ATXN1: variants seen among roughly 807,000 people sequenced by gnomAD.
The protein encoded by ATXN1 is ataxin-1.
ATXN1 carries 8 observed loss-of-function variants against 56.4 expected under a neutral mutation model. That is an observed-to-expected ratio of 0.14 (90% CI 0.08 to 0.26). ATXN1 has a LOEUF of 0.26. Among genes scored for constraint, ATXN1 ranks in the 10% least tolerant of loss-of-function variants. The probability of loss-of-function intolerance (pLI) is 1.00; values close to 1 mark genes in which losing one functional copy is unlikely to be tolerated. For synonymous variants in ATXN1, 514 were observed against 494.6 expected (o/e 1.04, Z -0.52); for missense variants, 987 against 1,106.5 (o/e 0.89, Z 1.53).
chr6:16,534,583 T>A (rs776602808), intron 4 of ATXN1, among the ~76,000 whole-genome samples: 6 of 152,032 alleles, frequency 3.9e-5, no homozygotes, highest in Non-Finnish European at 5.9e-5. Context: ...GATGTCAACA[T>A]GCTCCCCAAA....
chr6:16,514,384 G>C (rs1368000826), intron 5 of ATXN1, among the ~76,000 whole-genome samples: 9 of 152,160 alleles, frequency 5.9e-5, no homozygotes, highest in Non-Finnish European at 1.2e-4. Flanking sequence ...CTGCGTCTGA[G>C]AGCGAGGCAC....
At chr6:16,437,078 T>A (rs970332826) in intron 6 of ATXN1, among the ~76,000 whole-genome samples, 1 of 152,154 alleles carries the variant, frequency 6.6e-6, no homozygotes, top group Non-Finnish European at 1.5e-5. Context: ...TTCATCCCAC[T>A]GAAGGCAGTT....
At chr6:16,567,981 A>T (rs1019450280) in intron 4 of ATXN1, among the ~76,000 whole-genome samples, 4 of 152,120 alleles carry the variant, frequency 2.6e-5, no homozygotes, top group Non-Finnish European at 1.5e-5. Context: ...TGTGTAGAAC[A>T]CACACACAAA....
At chr6:16,313,852 G>A (rs970346616) in intron 7 of ATXN1, among the ~76,000 whole-genome samples, 3 of 152,132 alleles carry the variant, frequency 2.0e-5, no homozygotes, top group East Asian at 3.9e-4. Context: ...GTGAGTCACC[G>A]CGCCCACCTG....
chr6:16,505,502 A>G (rs2113678657), intron 5 of ATXN1, among the ~76,000 whole-genome samples: 1 of 152,336 alleles, frequency 6.6e-6, no homozygotes. Flanking sequence ...GGTTAAGTGC[A>G]CTGGCAGCCT....
At chr6:16,689,521 C>CTTTTTTTTTTTTTTTTTTTTTTTTTTT (rs11374047) in intron 2 of ATXN1, among the ~76,000 whole-genome samples, 4 of 105,204 alleles carry the variant, frequency 3.8e-5, no homozygotes, top group Non-Finnish European at 7.5e-5. Context: ...TTTTTTTTTT[C>CTTTTTTTTTTTTTTTTTTTTTTTTTTT]TTTTTTTTTT....
intron 2 of ATXN1, among the ~76,000 whole-genome samples, chr6:16,748,529 G>C (rs1006285557): frequency 6.6e-6 from 1 of 152,116 alleles, no homozygotes; most frequent in African/African-American, 2.4e-5. Flanking sequence ...CAGTTTCCTC[G>C]CCTGTGCAAT....
rs1166061027 is a variant in ATXN1, at chr6:16,393,937, T to C, written c.-160-65467A>G. ...TTTTTTTTTGTAATTCGTGCCTCCC[T>C]CCCCTAGTTTTAACCTATGCTTGGT... On this transcript the variant is annotated intron_variant, in intron 6 of 7. Coordinates refer to ENST00000436367, the MANE Select transcript of ATXN1 (RefSeq NM_001128164.2). 6.7e-5 allele frequency among the ~76,000 whole-genome samples: 10 copies of C among 148,870 alleles called. No individual in the cohort carries two copies. The East Asian group carries it at 1.8e-3, about 27-fold the overall frequency.
chr6:16,528,412 C>G (rs1486353750), intron 4 of ATXN1, among the ~76,000 whole-genome samples: 1 of 152,068 alleles, frequency 6.6e-6, no homozygotes, highest in Non-Finnish European at 1.5e-5. Context: ...TATTCCAGAT[C>G]TAGCCATAAA....
intron 2 of ATXN1, among the ~76,000 whole-genome samples, chr6:16,720,399 C>A (rs1759722874): frequency 6.6e-6 from 1 of 152,230 alleles, no homozygotes; most frequent in South Asian, 2.1e-4. Context: ...GGGACTTAGA[C>A]AACCTTGTTT....
At chr6:16,412,388 C>G (rs1170252503) in intron 6 of ATXN1, among the ~76,000 whole-genome samples, 2 of 152,184 alleles carry the variant, frequency 1.3e-5, no homozygotes, top group Non-Finnish European at 2.9e-5. Flanking sequence ...TCCTTTTCTG[C>G]TTTATCTCAG....
chr6:16,739,965 C>T (rs764344292), intron 2 of ATXN1: 9 of 443,272 alleles, frequency 2.0e-5, no homozygotes, highest in South Asian at 1.3e-4. Context: ...AAGCAAAAGT[C>T]CCTGCCAGGC....
intron 6 of ATXN1, among the ~76,000 whole-genome samples, chr6:16,345,520 A>G (rs1475333689): frequency 6.6e-6 from 1 of 152,228 alleles, no homozygotes; most frequent in East Asian, 1.9e-4. Flanking sequence ...ATCGGCCAAG[A>G]TAAGAATTCT....
chr6:16,511,131 T>C (rs3806136), intron 5 of ATXN1, among the ~76,000 whole-genome samples: 21,946 of 152,088 alleles, frequency 0.14, 1,995 homozygotes, highest in East Asian at 0.33. Context: ...ACGTGGTAGA[T>C]GAATCTTAGT....
Position 16,326,829 on chromosome 6 carries a change from G to T in ATXN1, c.1482C>A (p.Val494=), listed in dbSNP as rs1229221844. Reference sequence around the variant, plus strand: ...CCGACGCTTCCATGTCAGTGCTGCCGACCGGGATGAGCAGGGGCTGTGTGC... The same window carrying T: ...CCGACGCTTCCATGTCAGTGCTGCCTACCGGGATGAGCAGGGGCTGTGTGC... ...IPGTQPLLIP[V]GSTDMEASGA... Residue 494 remains valine (V), a synonymous_variant, in exon 7 of 8, where the codon GTC becomes GTA. Coordinates refer to ENST00000436367, the MANE Select transcript of ATXN1 (RefSeq NM_001128164.2). This position sits in a 1 kb window ranked among gnomAD's most constrained non-coding sequence, Gnocchi z 6.6. 1 of 1,607,516 alleles carries T rather than the reference G, an allele frequency of 6.2e-7. No homozygotes were observed. The highest frequency in any genetic ancestry group is 8.5e-7 in the Non-Finnish European group (1 of 1,175,268).
At chr6:16,312,320 A>G (rs1220751107) in intron 7 of ATXN1, among the ~76,000 whole-genome samples, 1 of 152,206 alleles carries the variant, frequency 6.6e-6, no homozygotes, top group African/African-American at 2.4e-5. Flanking sequence ...AAAACTCCAA[A>G]GACACCACTC....
At chr6:16,681,668 T>A (rs180976232) in intron 2 of ATXN1, among the ~76,000 whole-genome samples, 31 of 152,334 alleles carry the variant, frequency 2.0e-4, no homozygotes, top group African/African-American at 7.0e-4. Flanking sequence ...GTGAATCAAC[T>A]GCTTCTGTTG....
chr6:16,390,455 C>G (rs781553326), intron 6 of ATXN1, among the ~76,000 whole-genome samples: 1 of 152,046 alleles, frequency 6.6e-6, no homozygotes, highest in African/African-American at 2.4e-5. Flanking sequence ...CCATAACTGC[C>G]CATCCCTGAA....
At chr6:16,366,596 C>T (rs1489586995) in intron 6 of ATXN1, among the ~76,000 whole-genome samples, 1 of 152,028 alleles carries the variant, frequency 6.6e-6, no homozygotes, top group Admixed American at 6.6e-5. Context: ...GACTAGCCAA[C>T]ATATTGAAAC....
Sources: allele counts gnomAD v4.1 joint callset (sites outside exome capture counted in the v4.1 genomes callset), GRCh38; gene constraint gnomAD v4.1.1; non-coding constraint Gnocchi (gnomAD v3.1); transcripts MANE v1.5; gene names NCBI Gene and HGNC (gene_info 2026-07-23, HGNC 2026-07-21).